CARMIL1: variants seen among roughly 807,000 people sequenced by gnomAD.
CARMIL1 encodes the protein F-actin-uncapping protein LRRC16A.
Under a neutral mutation model 177.1 loss-of-function variants are expected in CARMIL1, and 90 were observed. The observed-to-expected ratio is 0.51, with a 90% CI of 0.43 to 0.61. The LOEUF is 0.61. CARMIL1 is among the 20% of genes least tolerant of loss of function. The probability of loss-of-function intolerance (pLI) is 0.00; values close to 1 mark genes in which losing one functional copy is unlikely to be tolerated. For missense variants in CARMIL1, 1,380 were observed against 1,667.0 expected (o/e 0.83, Z 3.00); for synonymous variants, 577 against 606.2 (o/e 0.95, Z 0.71).
intron 11 of CARMIL1, among the ~76,000 whole-genome samples, chr6:25,480,061 T>C (rs571163711): frequency 2.6e-5 from 4 of 152,306 alleles, no homozygotes; most frequent in African/African-American, 9.6e-5. Context: ...TTCTGTTATT[T>C]GTTGAGACTT....
chr6:25,452,323 T>A, intron 8 of CARMIL1: 1 of 702,834 alleles, frequency 1.4e-6, no homozygotes, highest in Admixed American at 2.2e-5. Flanking sequence ...GTGTAGCTCA[T>A]AAAAAAGTGA....
At chr6:25,606,827 G>A (rs1008026530) in intron 35 of CARMIL1, among the ~76,000 whole-genome samples, 6 of 152,194 alleles carry the variant, frequency 3.9e-5, no homozygotes, top group Non-Finnish European at 8.8e-5. Context: ...CTGCGCTACA[G>A]TGGCAGAGTG....
chr6:25,577,018 G>A lies in CARMIL1; in HGVS notation c.2743-3906G>A, dbSNP rs369799812. ...TGTAAGTATTTTTTGGTGGCTCTGCGGTTTCTGGCTGTACTACTTTATATT... is the reference window on the plus strand; with the variant it reads ...TGTAAGTATTTTTTGGTGGCTCTGCAGTTTCTGGCTGTACTACTTTATATT... On this transcript the variant is annotated intron_variant, in intron 29 of 36. Transcript: ENST00000329474. The surrounding 1 kb of genome is among the most constrained non-coding windows in gnomAD (Gnocchi z 4.5). The A allele has an allele frequency of 5.2e-5, 51 of 985,188 alleles. 1 individual carries two copies. In the East Asian group the frequency reaches 1.5e-3, roughly 28 times the overall value. 61.0% of individuals were successfully genotyped at this position (985,188 alleles called of 1,614,324 possible).
intron 2 of CARMIL1, 146 bp from the exon 3 acceptor site, chr6:25,419,968 C>G: frequency 1.5e-6 from 1 of 672,652 alleles, no homozygotes; most frequent in South Asian, 1.8e-5. Flanking sequence ...AAGAAGCTGT[C>G]CCAGCTCGTA....
intron 16 of CARMIL1, among the ~76,000 whole-genome samples, chr6:25,498,833 G>A (rs1391402074): frequency 6.6e-6 from 1 of 152,186 alleles, no homozygotes; most frequent in Non-Finnish European, 1.5e-5. Flanking sequence ...AAGAAAGGGG[G>A]CATAGTAATT....
intron 4 of CARMIL1, among the ~76,000 whole-genome samples, chr6:25,427,573 C>T (rs1440868784): frequency 6.6e-6 from 1 of 152,104 alleles, no homozygotes; most frequent in Non-Finnish European, 1.5e-5. Context: ...TGTGTAATTA[C>T]CTAGGGGTAG....
intron 2 of CARMIL1, among the ~76,000 whole-genome samples, chr6:25,366,176 T>C (rs570749893): frequency 3.3e-5 from 5 of 149,752 alleles, no homozygotes; most frequent in Non-Finnish European, 7.5e-5. Context: ...AAAAAAAAAA[T>C]TGTAGAGATG....
intron 2 of CARMIL1, among the ~76,000 whole-genome samples, chr6:25,313,938 G>A (rs1205960149): frequency 1.3e-5 from 2 of 151,374 alleles, no homozygotes; most frequent in South Asian, 2.1e-4. Flanking sequence ...GAGGTGATGA[G>A]TCCAATGAGA....
intron 2 of CARMIL1, among the ~76,000 whole-genome samples, chr6:25,366,948 A>G (rs772360516): frequency 3.3e-5 from 5 of 152,214 alleles, no homozygotes; most frequent in Non-Finnish European, 7.3e-5. Flanking sequence ...CTTGTGTACT[A>G]TTCTAGAAAT....
chr6:25,496,690 A>G (rs1261150598), intron 16 of CARMIL1, among the ~76,000 whole-genome samples: 1 of 152,188 alleles, frequency 6.6e-6, no homozygotes, highest in Non-Finnish European at 1.5e-5. Flanking sequence ...ATTCTCATTT[A>G]TGTATTCATT....
rs145297709 is a variant in CARMIL1, at chr6:25,475,430, C to G, written c.874+2909C>G. 5.3e-3 allele frequency among the ~76,000 whole-genome samples: 802 copies of G among 151,790 alleles called. 5 individuals carry two copies. Among genetic ancestry groups the G allele is most frequent in the African/African-American group, 0.018 (761 of 41,420 alleles). Reference sequence around the variant, plus strand: ...AAAAAAAAAAAAGTTAAACTCAAATCTGCCATATAACCCAGAAATTCCACT... The same window carrying G: ...AAAAAAAAAAAAGTTAAACTCAAATGTGCCATATAACCCAGAAATTCCACT... On this transcript the variant is annotated intron_variant, in intron 11 of 36. Coordinates refer to ENST00000329474, the MANE Select transcript of CARMIL1 (RefSeq NM_017640.6).
intron 2 of CARMIL1, among the ~76,000 whole-genome samples, chr6:25,378,056 G>A (rs953870701): frequency 6.6e-6 from 1 of 152,134 alleles, no homozygotes; most frequent in African/African-American, 2.4e-5. Context: ...CTCCATATGT[G>A]GGCAAAAGTA....
chr6:25,580,939 A>G lies in CARMIL1; in HGVS notation c.2758A>G (p.Lys920Glu), dbSNP rs1456640822. Residue 920 changes from lysine to glutamate, a missense_variant, in exon 30 of 37, where the codon AAA becomes GAA. Coordinates refer to ENST00000329474, the MANE Select transcript of CARMIL1 (RefSeq NM_017640.6). ...LDTCMMTPKS[K>E]RKSIHSRMLR... The stretch of plus-strand genomic sequence containing the variant: ...TCATTTCTAGATGACCCCTAAATCC[A>G]AAAGGAAGAGTATCCATAGCCGAAT... 6.3e-7 allele frequency: 1 copy of G among 1,598,478 alleles called. No homozygotes were observed. The highest frequency in any genetic ancestry group is 1.7e-5 in the Admixed American group (1 of 57,926).
chr6:25,610,232 G>A (rs1816394826), intron 36 of CARMIL1, 51 bp downstream of exon 36: 4 of 1,548,602 alleles, frequency 2.6e-6, no homozygotes, highest in South Asian at 2.5e-5. Flanking sequence ...CCCAAGGAGG[G>A]ACATTTCAAA....
At chr6:25,294,844 C>T (rs533440259) in intron 2 of CARMIL1, among the ~76,000 whole-genome samples, 63 of 152,290 alleles carry the variant, frequency 4.1e-4, no homozygotes, top group Non-Finnish European at 7.9e-4. Flanking sequence ...TTGGGGATCA[C>T]ACATGCTTGG....
At chr6:25,503,661 C>A (rs947007695) in intron 17 of CARMIL1, among the ~76,000 whole-genome samples, 2 of 152,178 alleles carry the variant, frequency 1.3e-5, no homozygotes, top group African/African-American at 4.8e-5. Flanking sequence ...TAGCTATAAA[C>A]CCTCTCCACT....
chr6:25,548,925 G>A (rs771093804), intron 26 of CARMIL1, among the ~76,000 whole-genome samples: 26 of 152,276 alleles, frequency 1.7e-4, no homozygotes, highest in Non-Finnish European at 2.6e-4. Flanking sequence ...CACCTACAGA[G>A]TTGTCATGTG....
chr6:25,313,451 G>C (rs1784004543), intron 2 of CARMIL1, among the ~76,000 whole-genome samples: 2 of 151,970 alleles, frequency 1.3e-5, no homozygotes, highest in South Asian at 4.2e-4. Context: ...TTATATTTTT[G>C]TGCCAGTATA....
intron 2 of CARMIL1, among the ~76,000 whole-genome samples, chr6:25,310,128 A>ATG (rs1266581083): frequency 6.6e-6 from 1 of 152,040 alleles, no homozygotes; most frequent in African/African-American, 2.4e-5. Flanking sequence ...CCTTCTCACT[A>ATG]TGTGAGTAAT....
Sources: gnomAD v4.1 joint callset for allele counts (sites outside exome capture counted in the v4.1 genomes callset) on GRCh38, gnomAD v4.1.1 for gene constraint, Gnocchi (gnomAD v3.1) non-coding constraint, MANE v1.5 for transcripts, NCBI Gene and HGNC (gene_info 2026-07-23, HGNC 2026-07-21) for gene names.